Variants in LRRTM4 observed in about 807,000 individuals in gnomAD.
LRRTM4 encodes leucine-rich repeat transmembrane neuronal protein 4.
LRRTM4 carries 25 observed loss-of-function variants against 47.6 expected under a neutral mutation model. That is an observed-to-expected ratio of 0.53 (90% confidence interval 0.38 to 0.73). The LOEUF (loss-of-function observed/expected upper bound fraction) is 0.73, where lower values mean the gene tolerates loss of function less well. Ranked by LOEUF, LRRTM4 falls within the 30% of genes least tolerant of loss-of-function variation. LRRTM4 has a pLI of 0.00. For synonymous variants in LRRTM4, 311 were observed against 269.5 expected (o/e 1.15, Z -1.51); for missense variants, 638 against 713.4 (o/e 0.89, Z 1.20).
intron 3 of LRRTM4, among the ~76,000 whole-genome samples, chr2:77,461,280 T>C (rs1422814051): frequency 6.6e-6 from 1 of 152,090 alleles, no homozygotes; most frequent in Non-Finnish European, 1.5e-5. Context: ...CCACTGCTAC[T>C]ATGGATTTTA....
chr2:76,935,464 T>G (rs976399384), intron 3 of LRRTM4, among the ~76,000 whole-genome samples: 6 of 152,318 alleles, frequency 3.9e-5, no homozygotes, highest in Admixed American at 3.3e-4. Context: ...TTCACGATAC[T>G]GAGTCTTCCT....
rs370561225 is a variant in LRRTM4, at chr2:76,812,696, T to TTTC, written c.1552-63781_1552-63780insGAA. Reference sequence around the variant, plus strand: ...AGCTCTTTCTTTCTTTCTTTCTTTCTTTTCTTTCTTTATTTCTTTTTCTTT... The same window carrying TTTC: ...AGCTCTTTCTTTCTTTCTTTCTTTCTTTCTTTCTTTCTTTATTTCTTTTTCTTT... On this transcript the variant is annotated intron_variant, in intron 3 of 3. Transcript: ENST00000409884. 1.4e-3 allele frequency among the ~76,000 whole-genome samples: 132 copies of TTTC among 96,510 alleles called. 1 individual carries two copies. Among genetic ancestry groups the TTTC allele is most frequent in the South Asian group, 1.9e-3 (5 of 2,674 alleles). The allele number at this position is 96,510 out of a possible 152,430, so 63.3% of individuals were successfully genotyped here.
At chr2:77,217,978 T>A (rs1311254425) in intron 3 of LRRTM4, among the ~76,000 whole-genome samples, 1 of 152,080 alleles carries the variant, frequency 6.6e-6, no homozygotes, top group Non-Finnish European at 1.5e-5. Context: ...AAACTGAGCT[T>A]TATTTTTTTT....
chr2:77,159,422 A>G (rs1235325885), intron 3 of LRRTM4, among the ~76,000 whole-genome samples: 1 of 152,014 alleles, frequency 6.6e-6, no homozygotes, highest in African/African-American at 2.4e-5. Context: ...ACCTAATGTA[A>G]ATGACGAATT....
chr2:77,440,396 AGAGT>A (rs1675793514), intron 3 of LRRTM4, among the ~76,000 whole-genome samples: 1 of 152,156 alleles, frequency 6.6e-6, no homozygotes, highest in South Asian at 2.1e-4. Flanking sequence ...CCAGGGCGAC[AGAGT>A]GAGACTCCGC....
At chr2:77,175,910 C>A (rs1259140856) in intron 3 of LRRTM4, among the ~76,000 whole-genome samples, 1 of 151,578 alleles carries the variant, frequency 6.6e-6, no homozygotes. Flanking sequence ...CTGCCTGCCT[C>A]AGTCTCTCAA....
At chr2:77,014,684 C>T (rs150655198) in intron 3 of LRRTM4, among the ~76,000 whole-genome samples, 2,706 of 151,648 alleles carry the variant, frequency 0.018, 89 homozygotes, top group African/African-American at 0.062. Flanking sequence ...TGGTGGTGGG[C>T]GCCTGTAATC....
chr2:77,299,342 C>T (rs556330141), intron 3 of LRRTM4, among the ~76,000 whole-genome samples: 11 of 147,958 alleles, frequency 7.4e-5, no homozygotes, highest in Admixed American at 4.1e-4. Context: ...TATGTATATA[C>T]GTATATATAT....
At chr2:77,034,386 TTTC>T (rs956579754) in intron 3 of LRRTM4, among the ~76,000 whole-genome samples, 8 of 151,928 alleles carry the variant, frequency 5.3e-5, no homozygotes, top group African/African-American at 1.7e-4. Context: ...TTGCAATCCT[TTTC>T]TTCTACGTTT....
intron 3 of LRRTM4, among the ~76,000 whole-genome samples, chr2:77,257,726 A>T (rs534621978): frequency 6.6e-6 from 1 of 151,312 alleles, no homozygotes; most frequent in East Asian, 1.9e-4. Context: ...CAACACACAC[A>T]CACACACACA....
At chr2:76,785,678 T>C (rs953251099) in intron 3 of LRRTM4, among the ~76,000 whole-genome samples, 30 of 152,176 alleles carry the variant, frequency 2.0e-4, no homozygotes, top group Non-Finnish European at 2.9e-5. Flanking sequence ...AAAATAAGAC[T>C]TTTTTCACCC....
intron 3 of LRRTM4, among the ~76,000 whole-genome samples, chr2:76,904,532 A>T (rs1013571261): frequency 6.6e-5 from 10 of 152,202 alleles, no homozygotes; most frequent in Non-Finnish European, 8.8e-5. Flanking sequence ...TGACTGACTG[A>T]AACATTATAT....
chr2:77,085,913 T>A (rs990396717), intron 3 of LRRTM4, among the ~76,000 whole-genome samples: 9 of 152,120 alleles, frequency 5.9e-5, no homozygotes, highest in African/African-American at 2.2e-4. Context: ...AAAACTTATG[T>A]GGGTAATGAG....
At chr2:77,372,692 C>A (rs560588615) in intron 3 of LRRTM4, among the ~76,000 whole-genome samples, 1 of 151,746 alleles carries the variant, frequency 6.6e-6, no homozygotes, top group South Asian at 2.1e-4. Context: ...TACAAATGGA[C>A]CTTCATGGAA....
chr2:77,220,951 G>T (rs1430646592), intron 3 of LRRTM4, among the ~76,000 whole-genome samples: 3 of 152,226 alleles, frequency 2.0e-5, no homozygotes, highest in African/African-American at 4.8e-5. Context: ...AGGGCAGCCA[G>T]AGAGAAAAGT....
At chr2:77,320,423 A>G (rs936769040) in intron 3 of LRRTM4, among the ~76,000 whole-genome samples, 8 of 152,248 alleles carry the variant, frequency 5.3e-5, no homozygotes, top group Non-Finnish European at 4.4e-5. Flanking sequence ...GGATATTACA[A>G]TATGGCTTTT....
At chr2:76,787,264 T>C (rs1370812482) in intron 3 of LRRTM4, among the ~76,000 whole-genome samples, 1 of 152,186 alleles carries the variant, frequency 6.6e-6, no homozygotes, top group African/African-American at 2.4e-5. Flanking sequence ...TAATTTAGAA[T>C]GCACAATTGG....
chr2:77,141,596 T>G (rs1672125162), intron 3 of LRRTM4, among the ~76,000 whole-genome samples: 1 of 152,144 alleles, frequency 6.6e-6, no homozygotes, highest in Non-Finnish European at 1.5e-5. Context: ...GTTGTGCACA[T>G]GTACCCTAGA....
intron 3 of LRRTM4, among the ~76,000 whole-genome samples, chr2:76,909,761 A>G (rs965215217): frequency 1.1e-4 from 16 of 152,320 alleles, no homozygotes; most frequent in Admixed American, 2.0e-4. Flanking sequence ...ACCATCACTG[A>G]CTATCAGAGA....
Sources: allele counts gnomAD v4.1 joint callset (sites outside exome capture counted in the v4.1 genomes callset), GRCh38; gene constraint gnomAD v4.1.1; transcripts MANE v1.5; gene names NCBI Gene and HGNC (gene_info 2026-07-23, HGNC 2026-07-21).